GRIK2: variants seen among roughly 807,000 people sequenced by gnomAD.
GRIK2 encodes glutamate ionotropic receptor kainate type subunit 2.
GRIK2 carries 32 observed loss-of-function variants against 100.3 expected under a neutral mutation model. The observed-to-expected ratio is 0.32, with a 90% CI of 0.24 to 0.43. The LOEUF (loss-of-function observed/expected upper bound fraction) is 0.43. Among genes scored for constraint, GRIK2 ranks in the 20% least tolerant of loss-of-function variants. The pLI is 1.00. For synonymous variants in GRIK2, 417 were observed against 389.4 expected (o/e 1.07, Z -0.83); for missense variants, 843 against 1,114.9 (o/e 0.76, Z 3.47).
At chr6:101,481,223 G>GT (rs376170459) in intron 2 of GRIK2, among the ~76,000 whole-genome samples, 382 of 152,078 alleles carry the variant, frequency 2.5e-3, no homozygotes, top group Middle Eastern at 0.017. Context: ...TTTGAAACCT[G>GT]TTTTTTTGTT....
At chr6:101,669,324 T>TAAA in intron 4 of GRIK2, among the ~76,000 whole-genome samples, 1 of 152,222 alleles carries the variant, frequency 6.6e-6, no homozygotes, top group Non-Finnish European at 1.5e-5. Flanking sequence ...ATTATTTATA[T>TAAA]TAACCACATT....
chr6:101,458,637 C>G (rs1482561684), intron 2 of GRIK2, among the ~76,000 whole-genome samples: 1 of 152,154 alleles, frequency 6.6e-6, no homozygotes, highest in Non-Finnish European at 1.5e-5. Flanking sequence ...CTGCCTGGCA[C>G]AAAAGAGTGC....
At chr6:101,484,108 T>G (rs969124257) in intron 2 of GRIK2, among the ~76,000 whole-genome samples, 2 of 152,242 alleles carry the variant, frequency 1.3e-5, no homozygotes, top group Non-Finnish European at 2.9e-5. Context: ...TTACAACAGA[T>G]AGTTTTATGA....
intron 14 of GRIK2, among the ~76,000 whole-genome samples, chr6:102,019,739 T>G (rs779176780): frequency 1.3e-5 from 2 of 151,980 alleles, no homozygotes; most frequent in South Asian, 2.1e-4. Context: ...AGCAAGAGCA[T>G]TGCTCTCTTC....
intron 4 of GRIK2, among the ~76,000 whole-genome samples, chr6:101,641,038 C>T (rs1394373841): frequency 6.6e-6 from 1 of 152,014 alleles, no homozygotes. Flanking sequence ...AATTATTCTG[C>T]TAAATATTCT....
chr6:101,451,700 G>T (rs1313497658), intron 2 of GRIK2, among the ~76,000 whole-genome samples: 5 of 59,794 alleles, frequency 8.4e-5, no homozygotes, highest in Admixed American at 2.0e-4. Flanking sequence ...CTCTGAGGGG[G>T]GGGGGGGTGC....
chr6:101,569,522 T>G (rs531988838), intron 2 of GRIK2, among the ~76,000 whole-genome samples: 1 of 151,878 alleles, frequency 6.6e-6, no homozygotes, highest in South Asian at 2.1e-4. Flanking sequence ...ACTTTATTGC[T>G]GAATTATTCC....
intron 14 of GRIK2, among the ~76,000 whole-genome samples, chr6:102,033,655 C>T (rs946028292): frequency 2.0e-4 from 30 of 151,302 alleles, no homozygotes; most frequent in African/African-American, 6.8e-4. Context: ...ACTGAGCTTT[C>T]ATATTTATTA....
At chr6:101,488,697 T>C (rs1349418408) in intron 2 of GRIK2, among the ~76,000 whole-genome samples, 1 of 146,808 alleles carries the variant, frequency 6.8e-6, no homozygotes, top group East Asian at 1.9e-4. Context: ...CCAAATTGTA[T>C]CTAAATTATT....
chr6:101,803,747 T>A (rs1268036730), intron 9 of GRIK2, among the ~76,000 whole-genome samples: 1 of 151,982 alleles, frequency 6.6e-6, no homozygotes, highest in Non-Finnish European at 1.5e-5. Context: ...AAAATGGCAG[T>A]GCTCTTCATA....
At chr6:101,618,298 T>C (rs1390045887) in intron 2 of GRIK2, among the ~76,000 whole-genome samples, 1 of 151,664 alleles carries the variant, frequency 6.6e-6, no homozygotes, top group Non-Finnish European at 1.5e-5. Flanking sequence ...GATGGAAAAC[T>C]ATGGATTCTG....
At chr6:101,779,345 T>C (rs1778937143) in intron 7 of GRIK2, among the ~76,000 whole-genome samples, 1 of 152,154 alleles carries the variant, frequency 6.6e-6, no homozygotes, top group African/African-American at 2.4e-5. Context: ...AGGTATAAGA[T>C]ACACCAAGCA....
At chr6:101,952,971 C>T (rs879051690) in intron 14 of GRIK2, among the ~76,000 whole-genome samples, 3 of 152,138 alleles carry the variant, frequency 2.0e-5, no homozygotes, top group Admixed American at 1.3e-4. Context: ...TCCACCATAC[C>T]TAATAAACCA....
In GRIK2 at chr6:101,433,864, AT is replaced by A. The variant is rs1202675992; in HGVS notation, c.115+34473del. 2.0e-5 allele frequency among the ~76,000 whole-genome samples: 3 copies of A among 152,202 alleles called. No individual in the cohort carries two copies. The East Asian group carries it at 5.8e-4, about 29-fold the overall frequency. On this transcript the variant is annotated intron_variant, in intron 2 of 16. Coordinates refer to ENST00000369134, the MANE Select transcript of GRIK2 (RefSeq NM_021956.5). ...CCCAATTAATGATCACCAGTTGCTT[AT>A]GTAAATTACTCTCAAGAGTAGCTTA...
chr6:101,576,541 G>GA (rs1777796995), intron 2 of GRIK2, among the ~76,000 whole-genome samples: 1 of 151,942 alleles, frequency 6.6e-6, no homozygotes, highest in African/African-American at 2.4e-5. Context: ...TTGTATGCAG[G>GA]AAACTGATGT....
chr6:101,652,933 A>C (rs991370064), intron 4 of GRIK2, among the ~76,000 whole-genome samples: 4 of 152,120 alleles, frequency 2.6e-5, no homozygotes, highest in Non-Finnish European at 5.9e-5. Flanking sequence ...ACAAGGCATG[A>C]GGGGAAGAAG....
At chr6:102,046,156 T>C (rs1367869551) in intron 15 of GRIK2, among the ~76,000 whole-genome samples, 2 of 152,084 alleles carry the variant, frequency 1.3e-5, no homozygotes, top group East Asian at 1.9e-4. Context: ...TAAATATATA[T>C]GCACCAAATA....
chr6:102,011,691 C>A (rs1387917202), intron 14 of GRIK2, among the ~76,000 whole-genome samples: 4 of 144,994 alleles, frequency 2.8e-5, no homozygotes, highest in African/African-American at 1.0e-4. Context: ...TCACGCCATT[C>A]TCCTGCCTCA....
chr6:101,713,161 CTG>C (rs1403202956), intron 7 of GRIK2, among the ~76,000 whole-genome samples: 1 of 151,774 alleles, frequency 6.6e-6, no homozygotes, highest in African/African-American at 2.4e-5. Flanking sequence ...CCAGCATCCA[CTG>C]TCTTTTAGTT....
Sources: gnomAD v4.1 joint callset for allele counts (sites outside exome capture counted in the v4.1 genomes callset) on GRCh38, gnomAD v4.1.1 for gene constraint, MANE v1.5 for transcripts, NCBI Gene and HGNC (gene_info 2026-07-23, HGNC 2026-07-21) for gene names.